Variants in ARL15 observed in about 807,000 individuals in gnomAD.
ARL15 encodes ADP-ribosylation factor-like protein 15.
ARL15 carries 19 observed loss-of-function variants against 25.2 expected under a neutral mutation model. The observed-to-expected ratio is 0.75, with a 90% CI of 0.53 to 1.10. The LOEUF is 1.10. Among genes scored for constraint, ARL15 ranks in the 50% least tolerant of loss-of-function variants. The pLI is 0.00. For synonymous variants in ARL15, 94 were observed against 86.8 expected, an observed-to-expected ratio of 1.08 and a Z score of -0.46; for missense variants, 220 against 246.0, an observed-to-expected ratio of 0.89 and a Z score of 0.71.
At chr5:54,303,852 G>A (rs1758681849) in intron 1 of ARL15, among the ~76,000 whole-genome samples, 1 of 152,128 alleles carries the variant, frequency 6.6e-6, no homozygotes, top group African/African-American at 2.4e-5. Flanking sequence ...GCTGAGTAAG[G>A]AGGTTGCCTG....
chr5:54,081,107 G>C (rs1751785304), intron 4 of ARL15, among the ~76,000 whole-genome samples: 1 of 152,090 alleles, frequency 6.6e-6, no homozygotes, highest in Non-Finnish European at 1.5e-5. Context: ...TTGGGTGTTA[G>C]GACTTCAACA....
Position 53,957,796 on chromosome 5 carries a change from C to A in ARL15, c.463-71083G>T, listed in dbSNP as rs987879201. Among the ~76,000 whole-genome samples, 3 of 152,024 alleles carry A rather than the reference C, an allele frequency of 2.0e-5. No individual in the cohort carries two copies. The East Asian group carries it at 5.8e-4, about 29-fold the overall frequency. ...CCATGATTGTACCATTGCATTCCAG[C>A]CTGGGCAACAGAGTGAGACCTTGTC... On this transcript the variant is annotated intron_variant, in intron 4 of 4. Transcript: ENST00000504924.
chr5:54,041,007 C>A (rs963212144), intron 4 of ARL15, among the ~76,000 whole-genome samples: 5 of 152,178 alleles, frequency 3.3e-5, no homozygotes, highest in African/African-American at 1.2e-4. Context: ...CAGACTTGGT[C>A]ACTCCTTTGC....
At chr5:53,942,930 G>A (rs769388417) in intron 4 of ARL15, among the ~76,000 whole-genome samples, 8 of 152,268 alleles carry the variant, frequency 5.3e-5, no homozygotes, top group Middle Eastern at 3.4e-3. Flanking sequence ...GGATGGATCC[G>A]CTGTGGATTG....
At position 53,987,254 on chromosome 5, in the gene ARL15, T is replaced by C. The variant is rs146946528; in HGVS notation, c.463-100541A>G. On this transcript the variant is annotated intron_variant, in intron 4 of 4. Transcript: ENST00000504924. ...GATTTTGTGTAAATGTAGAAATGAATATTGAACTGCTTCCAGAACTATGTA... is the reference window on the plus strand; with the variant it reads ...GATTTTGTGTAAATGTAGAAATGAACATTGAACTGCTTCCAGAACTATGTA... Among the ~76,000 whole-genome samples the C allele has an allele frequency of 1.4e-4, 21 of 152,180 alleles. No individual in the cohort carries two copies. The East Asian group carries it at 3.9e-3, about 28-fold the overall frequency.
At chr5:54,181,285 A>G (rs1411074627) in intron 1 of ARL15, among the ~76,000 whole-genome samples, 2 of 152,208 alleles carry the variant, frequency 1.3e-5, no homozygotes, top group Non-Finnish European at 2.9e-5. Context: ...AATTTTTATA[A>G]AAACAGAATT....
At chr5:54,284,514 A>C (rs184059584) in intron 1 of ARL15, among the ~76,000 whole-genome samples, 1 of 152,350 alleles carries the variant, frequency 6.6e-6, no homozygotes, top group East Asian at 1.9e-4. Flanking sequence ...GCCATATGAA[A>C]GGGCTCTAGC....
At chr5:54,205,151 C>T (rs1755832878) in intron 1 of ARL15, among the ~76,000 whole-genome samples, 1 of 152,068 alleles carries the variant, frequency 6.6e-6, no homozygotes, top group African/African-American at 2.4e-5. Context: ...AAAATCCCAA[C>T]AACTGCAATG....
At chr5:54,233,493 G>T (rs528239932) in intron 1 of ARL15, among the ~76,000 whole-genome samples, 2 of 152,270 alleles carry the variant, frequency 1.3e-5, no homozygotes, top group Non-Finnish European at 2.9e-5. Context: ...ATATTTACAA[G>T]ACTGATATTG....
chr5:54,257,909 C>T (rs986768987), intron 1 of ARL15, among the ~76,000 whole-genome samples: 8 of 151,990 alleles, frequency 5.3e-5, no homozygotes, highest in African/African-American at 1.9e-4. Flanking sequence ...ACTGCCATAA[C>T]AAAAACACCT....
chr5:54,188,599 G>A (rs1755304962), intron 1 of ARL15, among the ~76,000 whole-genome samples: 2 of 152,176 alleles, frequency 1.3e-5, no homozygotes, highest in African/African-American at 4.8e-5. Flanking sequence ...TATATAAAAT[G>A]TATCTGAGAG....
chr5:54,302,683 A>ATTTTTTTTTTTTTTTT (rs372704359), intron 1 of ARL15, among the ~76,000 whole-genome samples: 1 of 77,860 alleles, frequency 1.3e-5, no homozygotes, highest in African/African-American at 5.1e-5. Flanking sequence ...TAAAATTAAG[A>ATTTTTTTTTTTTTTTT]TTTTTTTTTT....
chr5:54,120,026 G>A (rs181792424), intron 3 of ARL15, among the ~76,000 whole-genome samples: 553 of 152,152 alleles, frequency 3.6e-3, no homozygotes, highest in Middle Eastern at 6.8e-3. Context: ...GTGCATTTTC[G>A]TGTCTGATTC....
chr5:54,134,029 A>C (rs1459095976), intron 3 of ARL15, among the ~76,000 whole-genome samples: 1 of 152,208 alleles, frequency 6.6e-6, no homozygotes, highest in Non-Finnish European at 1.5e-5. Context: ...ATCCAGACAG[A>C]TTACATACAA....
At chr5:54,071,996 GA>G (rs796138460) in intron 4 of ARL15, among the ~76,000 whole-genome samples, 19 of 123,066 alleles carry the variant, frequency 1.5e-4, no homozygotes, top group Non-Finnish European at 3.0e-4. Flanking sequence ...AAAAAAAAAA[GA>G]AAAAAAAAGA....
intron 1 of ARL15, among the ~76,000 whole-genome samples, chr5:54,227,959 TAAG>T (rs1032564503): frequency 2.0e-5 from 3 of 152,186 alleles, no homozygotes; most frequent in South Asian, 4.1e-4. Flanking sequence ...AAGCAGGAGA[TAAG>T]AGGATGGGTT....
intron 4 of ARL15, among the ~76,000 whole-genome samples, chr5:54,046,340 G>T (rs1441207816): frequency 2.0e-5 from 3 of 152,120 alleles, no homozygotes; most frequent in Non-Finnish European, 4.4e-5. Flanking sequence ...AATTAGCCAG[G>T]CATGGTGGCA....
chr5:54,290,992 T>C (rs1450416964), intron 1 of ARL15, among the ~76,000 whole-genome samples: 1 of 152,228 alleles, frequency 6.6e-6, no homozygotes, highest in Non-Finnish European at 1.5e-5. Flanking sequence ...AGTACTTCTA[T>C]ATTAACTTAC....
intron 1 of ARL15, among the ~76,000 whole-genome samples, chr5:54,188,103 T>G (rs2112449496): frequency 6.6e-6 from 1 of 152,270 alleles, no homozygotes; most frequent in East Asian, 1.9e-4. Context: ...GTGAAGCAAC[T>G]GTTACAACAA....
Sources: allele counts gnomAD v4.1 joint callset (sites outside exome capture counted in the v4.1 genomes callset), GRCh38; gene constraint gnomAD v4.1.1; transcripts MANE v1.5; gene names NCBI Gene and HGNC (gene_info 2026-07-23, HGNC 2026-07-21).